RNF150: variants seen among roughly 807,000 people sequenced by gnomAD.
RNF150 encodes ring finger protein 150.
A neutral mutation model predicts 39.3 loss-of-function variants in RNF150; 24 were observed. That is an observed-to-expected ratio of 0.61 (90% CI 0.44 to 0.86). The LOEUF (loss-of-function observed/expected upper bound fraction) is 0.86, where lower values mean the gene tolerates loss of function less well. Ranked by LOEUF, RNF150 falls within the 40% of genes least tolerant of loss-of-function variation. The probability of loss-of-function intolerance (pLI) is 0.00; values close to 1 mark genes in which losing one functional copy is unlikely to be tolerated. For missense variants in RNF150, 502 were observed against 587.8 expected, an observed-to-expected ratio of 0.85 and a Z score of 1.51; for synonymous variants, 255 against 227.3, an observed-to-expected ratio of 1.12 and a Z score of -1.10.
chr4:141,132,900 T>A lies in RNF150; in HGVS notation c.-92A>T. ...CCGGCCAACCCCGGGCCGCTGCCTC[T>A]CCTCCTGCTGCTGCTCACTCCCGGG... On this transcript the variant is annotated 5_prime_UTR_variant, in exon 1 of 7. Coordinates refer to ENST00000515673, the MANE Select transcript of RNF150 (RefSeq NM_020724.2). The surrounding 1 kb of genome is among the most constrained non-coding windows in gnomAD (Gnocchi z 4.9). 9.5e-7 allele frequency: 1 copy of A among 1,057,122 alleles called. No individual in the cohort carries two copies. The highest frequency in any genetic ancestry group is 1.4e-6 in the Non-Finnish European group (1 of 715,448). The allele number at this position is 1,057,122 out of a possible 1,614,324, so 65.5% of individuals were successfully genotyped here.
chr4:140,960,999 T>C (rs1483329838), intron 2 of RNF150, among the ~76,000 whole-genome samples: 2 of 152,114 alleles, frequency 1.3e-5, no homozygotes, highest in African/African-American at 4.8e-5. Flanking sequence ...GTGAAGTAAC[T>C]TGTGCAAAGT....
chr4:141,078,628 A>G (rs1365884745), intron 1 of RNF150, among the ~76,000 whole-genome samples: 1 of 150,100 alleles, frequency 6.7e-6, no homozygotes, highest in Non-Finnish European at 1.5e-5. Context: ...AAAAATACAA[A>G]CAAAAAAAAA....
chr4:140,930,431 AG>A (rs1274096791), intron 4 of RNF150, among the ~76,000 whole-genome samples: 1 of 152,266 alleles, frequency 6.6e-6, no homozygotes, highest in Non-Finnish European at 1.5e-5. Flanking sequence ...CACAAGCTGT[AG>A]GAGAATAAAA....
rs55889863 is a variant in RNF150, at chr4:140,951,554, T to G, written c.736-2182A>C. ...GTGGTTTTTTGTTGTTGTTGTTGTT[T>G]TTTTTTTTTTTTGCAAGGAAAACAA... is the stretch of plus-strand genomic sequence containing the variant. On this transcript the variant is annotated intron_variant, in intron 2 of 6. Transcript: ENST00000515673. Among the ~76,000 whole-genome samples the G allele has an allele frequency of 7.2e-4, 71 of 99,214 alleles. 1 individual carries two copies. The highest frequency in any genetic ancestry group is 2.4e-3 in the East Asian group (8 of 3,268). The allele number at this position is 99,214 out of a possible 152,430, so 65.1% of individuals were successfully genotyped here.
At chr4:140,932,208 T>A (rs1011903527) in intron 4 of RNF150, among the ~76,000 whole-genome samples, 8 of 152,236 alleles carry the variant, frequency 5.3e-5, no homozygotes, top group Non-Finnish European at 1.2e-4. Context: ...CTTCTATGCA[T>A]ACCCGAAATG....
At chr4:140,878,702 A>T (rs977589007) in intron 6 of RNF150, among the ~76,000 whole-genome samples, 4 of 152,070 alleles carry the variant, frequency 2.6e-5, no homozygotes, top group Non-Finnish European at 5.9e-5. Context: ...CTCATTCTGT[A>T]GCTTGTCTTT....
intron 1 of RNF150, among the ~76,000 whole-genome samples, chr4:141,196,196 T>C (rs1728197840): frequency 6.6e-6 from 1 of 152,180 alleles, no homozygotes; most frequent in African/African-American, 2.4e-5. Flanking sequence ...CAGGTGTTTT[T>C]ACCATGCTGC....
chr4:140,879,720 G>T (rs1055005892), intron 6 of RNF150, among the ~76,000 whole-genome samples: 1 of 152,066 alleles, frequency 6.6e-6, no homozygotes, highest in African/African-American at 2.4e-5. Context: ...TATTTGGGAG[G>T]CTAAGCTGGC....
At chr4:141,115,543 C>T (rs80349845) in intron 1 of RNF150, among the ~76,000 whole-genome samples, 2,457 of 151,792 alleles carry the variant, frequency 0.016, 70 homozygotes, top group African/African-American at 0.057. Context: ...GGAAGAATAT[C>T]GTGAAATTGG....
intron 1 of RNF150, among the ~76,000 whole-genome samples, chr4:141,066,610 A>G (rs1490404629): frequency 6.6e-6 from 1 of 152,246 alleles, no homozygotes; most frequent in African/African-American, 2.4e-5. Context: ...GCATTCTGCT[A>G]TGAAATAAGC....
chr4:140,901,926 G>A (rs911919764), intron 6 of RNF150, among the ~76,000 whole-genome samples: 1 of 152,132 alleles, frequency 6.6e-6, no homozygotes, highest in Non-Finnish European at 1.5e-5. Context: ...GGCTTAAAAT[G>A]CTTCTGTGTA....
At chr4:140,962,493 C>CAT in intron 2 of RNF150, among the ~76,000 whole-genome samples, 1 of 149,730 alleles carries the variant, frequency 6.7e-6, no homozygotes, top group African/African-American at 2.5e-5. Flanking sequence ...CACACACACA[C>CAT]ACATATATAT....
rs188163312 is a variant in RNF150 at position 141,035,503 on chromosome 4, G to A, written c.485-67630C>T. Among the ~76,000 whole-genome samples, 20 of 152,208 alleles carry A rather than the reference G, an allele frequency of 1.3e-4. No homozygotes were observed. The East Asian group carries it at 2.5e-3, about 19-fold the overall frequency. On this transcript the variant is annotated intron_variant, in intron 1 of 6. Transcript: ENST00000515673. ...CAATGGGGAAAAATGTATGCGATGC[G>A]ATCCTATGCCCCAAGTGGTAAACTA...
At chr4:141,156,848 A>G (rs1057330974) in intron 1 of RNF150, among the ~76,000 whole-genome samples, 2 of 151,856 alleles carry the variant, frequency 1.3e-5, no homozygotes, top group Non-Finnish European at 2.9e-5. Flanking sequence ...TAGAGCTTGC[A>G]GTGAGCCAAG....
chr4:141,037,106 G>A (rs1736176893), intron 1 of RNF150, among the ~76,000 whole-genome samples: 1 of 152,116 alleles, frequency 6.6e-6, no homozygotes, highest in Non-Finnish European at 1.5e-5. Flanking sequence ...CATGATCGTA[G>A]ATTGTAGAAG....
intron 1 of RNF150, among the ~76,000 whole-genome samples, chr4:141,052,836 C>T (rs1736828183): frequency 6.6e-6 from 1 of 152,168 alleles, no homozygotes; most frequent in Non-Finnish European, 1.5e-5. Context: ...AAAGCTAAAA[C>T]TCACATGCTT....
At position 141,195,533 on chromosome 4, in the gene RNF150, G is replaced by A. The variant is rs982855853; in HGVS notation, c.-6+17261C>T. Among the ~76,000 whole-genome samples the A allele has an allele frequency of 3.9e-5, 6 of 152,264 alleles. No individual in the cohort carries two copies. In the East Asian group the frequency reaches 7.7e-4, roughly 20 times the overall value. On this transcript the variant is annotated intron_variant, in intron 1 of 7. Transcript: ENST00000420921. ...CTCTCTGGCTTCAGTGACTGGTGGA[G>A]GTGGGTAGAAGGTTGGGGGATGTTG...
chr4:141,135,620 T>C (rs1186904274), upstream of RNF150, among the ~76,000 whole-genome samples: 7 of 152,214 alleles, frequency 4.6e-5, no homozygotes, highest in African/African-American at 1.7e-4. Flanking sequence ...AGCTCTTCCT[T>C]ATGGTAGAAA....
rs115836437 is a variant in RNF150 at position 140,969,048 on chromosome 4, C to T, written c.485-1175G>A. 3.5e-3 allele frequency among the ~76,000 whole-genome samples: 539 copies of T among 152,080 alleles called. 1 individual carries two copies. The highest frequency in any genetic ancestry group is 5.9e-3 in the Non-Finnish European group (403 of 67,976). On this transcript the variant is annotated intron_variant, in intron 1 of 6. Coordinates refer to ENST00000515673, the MANE Select transcript of RNF150 (RefSeq NM_020724.2). ...GTTGTAGATTCAGGGCAAAATTAAA[C>T]TCCACTACAGCTGCTTAACGCTGGC...
Sources: gnomAD v4.1 joint callset for allele counts (sites outside exome capture counted in the v4.1 genomes callset) on GRCh38, gnomAD v4.1.1 for gene constraint, Gnocchi (gnomAD v3.1) non-coding constraint, MANE v1.5 for transcripts, NCBI Gene and HGNC (gene_info 2026-07-23, HGNC 2026-07-21) for gene names.